The following SNX32 variants were observed in gnomAD, a reference collection of about 807,000 sequenced individuals.
SNX32 encodes sorting nexin 32.
SNX32 carries 58 observed loss-of-function variants against 57.0 expected under a neutral mutation model. The ratio of observed to expected loss-of-function variants is 1.02; its 90% confidence interval spans 0.82 to 1.27. The LOEUF (loss-of-function observed/expected upper bound fraction) is 1.27, where lower values mean the gene tolerates loss of function less well. Among genes scored for constraint, SNX32 ranks in the 50% most tolerant of loss-of-function variants. SNX32 has a pLI of 0.00. For synonymous variants in SNX32, 262 were observed against 220.4 expected (o/e 1.19, Z -1.67); for missense variants, 589 against 541.2 (o/e 1.09, Z -0.88).
At chr11:65,842,125 C>T (rs1858857850) in intron 1 of SNX32, among the ~76,000 whole-genome samples, 1 of 152,124 alleles carries the variant, frequency 6.6e-6, no homozygotes, top group Admixed American at 6.6e-5. Context: ...CAAGTCGCAC[C>T]TGTCAAGTTA....
At chr11:65,849,069 G>A (rs1859082189) in intron 1 of SNX32, among the ~76,000 whole-genome samples, 1 of 152,154 alleles carries the variant, frequency 6.6e-6, no homozygotes, top group South Asian at 2.1e-4. Flanking sequence ...GCTTGAACCC[G>A]GGAGGTGGAG....
At chr11:65,834,179 G>A in intron 1 of SNX32, 78 bp downstream of exon 1, 1 of 436,374 alleles carries the variant, frequency 2.3e-6, no homozygotes, top group African/African-American at 2.0e-5. Context: ...ATGCGGTGGT[G>A]TGTGTGTGTC....
intron 1 of SNX32, among the ~76,000 whole-genome samples, chr11:65,836,116 A>G (rs1290398200): frequency 6.6e-6 from 1 of 152,168 alleles, no homozygotes; most frequent in Non-Finnish European, 1.5e-5. Flanking sequence ...CCTTTGCAGG[A>G]GCCATACTCT....
At chr11:65,852,264 G>C (rs943534023) in intron 9 of SNX32, among the ~76,000 whole-genome samples, 14 of 151,986 alleles carry the variant, frequency 9.2e-5, no homozygotes, top group Non-Finnish European at 2.1e-4. Flanking sequence ...CCTCTGTCCA[G>C]CTCTTACTCA....
intron 1 of SNX32, among the ~76,000 whole-genome samples, chr11:65,841,844 C>G (rs1273711408): frequency 6.6e-6 from 1 of 151,938 alleles, no homozygotes; most frequent in African/African-American, 2.4e-5. Flanking sequence ...ACACAGAAAA[C>G]TACAAAACAT....
intron 1 of SNX32, among the ~76,000 whole-genome samples, chr11:65,835,271 C>A (rs1045724104): frequency 6.9e-6 from 1 of 145,034 alleles, no homozygotes; most frequent in Non-Finnish European, 1.5e-5. Flanking sequence ...GAAAGGGACC[C>A]GTCACTGTCA....
rs200119408 is a variant in SNX32 at position 65,844,446 on chromosome 11, AAAAAT to A, written c.37-5029_37-5025del. 1.7e-4 allele frequency among the ~76,000 whole-genome samples: 26 copies of A among 152,234 alleles called. No homozygotes were observed. In the East Asian group the frequency reaches 5.0e-3, roughly 29 times the overall value. On this transcript the variant is annotated intron_variant, in intron 1 of 12. Coordinates refer to ENST00000308342, the MANE Select transcript of SNX32 (RefSeq NM_152760.3). ...CAGGACCCCTTTTCTTTAAAAAAAA[AAAAAT>A]AATAAATAGAGAGAGAGAGAGATAA... is the stretch of plus-strand genomic sequence containing the variant.
intron 1 of SNX32, among the ~76,000 whole-genome samples, chr11:65,839,754 C>G (rs911129271): frequency 6.7e-6 from 1 of 149,092 alleles, no homozygotes; most frequent in Non-Finnish European, 1.5e-5. Context: ...AAAAAATTAT[C>G]AAGCTGAATA....
chr11:65,850,162 C>G lies in SNX32; in HGVS notation c.265C>G (p.Pro89Ala), dbSNP rs1446379347. The part of the protein sequence containing the change: ...EYAGLIIPPA[P>A]PRPDFEASRE... ...CTCCTTTGAGCAGATCCCCCCAGCCCCTCCGAGGCCAGACTTTGAGGCTTC... is the reference window on the plus strand; with the variant it reads ...CTCCTTTGAGCAGATCCCCCCAGCCGCTCCGAGGCCAGACTTTGAGGCTTC... Residue 89 changes from proline (P) to alanine (A), a missense_variant, in exon 4 of 13, where the codon CCT becomes GCT. Transcript: ENST00000308342. 7 of 1,614,142 alleles carry G rather than the reference C, an allele frequency of 4.3e-6. No homozygotes were observed. The highest frequency in any genetic ancestry group is 1.7e-5 in the Admixed American group (1 of 60,012).
intron 1 of SNX32, among the ~76,000 whole-genome samples, chr11:65,846,712 G>A (rs531593800): frequency 2.2e-4 from 33 of 152,144 alleles, no homozygotes; most frequent in African/African-American, 8.0e-4. Context: ...TGCCAGGCAC[G>A]GTGGCTCACG....
rs1591019446 is a variant in SNX32, at chr11:65,834,085, T to C, written c.20T>C (p.Val7Ala). ...AGAGCGATGGAGACGTATGCGGAGG[T>C]TGGGAAGGAGGGCAAGGTAGAGAAA... METYAE[V>A]GKEGKPSCAS... Residue 7 changes from valine (V) to alanine (A), a missense_variant, in exon 1 of 13, where the codon GTT becomes GCT. By Grantham distance (64) the Val-to-Ala change is moderately conservative (BLOSUM62 0). Coordinates refer to ENST00000308342, the MANE Select transcript of SNX32 (RefSeq NM_152760.3). The C allele has an allele frequency of 1.3e-6, 2 of 1,550,596 alleles. No homozygotes were observed. Among genetic ancestry groups the C allele is most frequent in the Non-Finnish European group, 1.7e-6 (2 of 1,146,558 alleles).
intron 1 of SNX32, among the ~76,000 whole-genome samples, chr11:65,839,222 TG>T (rs1345503008): frequency 0.011 from 238 of 21,600 alleles, 7 homozygotes; most frequent in Non-Finnish European, 0.021. Context: ...CTAATTTTTT[TG>T]TATTTTTTTT....
rs1296524438 is a variant in SNX32, at chr11:65,841,520, G to A, written c.36+7419G>A. On this transcript the variant is annotated intron_variant, in intron 1 of 12. Coordinates refer to ENST00000308342, the MANE Select transcript of SNX32 (RefSeq NM_152760.3). ...TCCAAAGTGCTGGGTTCACAGGCAT[G>A]AGCCACTATGCCCAGTCTATTGTGT... 3.9e-5 allele frequency among the ~76,000 whole-genome samples: 6 copies of A among 152,252 alleles called. 1 individual carries two copies. The South Asian group carries it at 8.3e-4, about 21-fold the overall frequency.
At chr11:65,852,398 G>C (rs1027900126) in intron 9 of SNX32, 67 bp from the exon 10 acceptor site, 4 of 1,364,948 alleles carry the variant, frequency 2.9e-6, no homozygotes, top group Non-Finnish European at 3.1e-6. Flanking sequence ...TAGATGAAGA[G>C]GTGCCTCCCA....
chr11:65,835,013 G>A (rs1373532306), intron 1 of SNX32, among the ~76,000 whole-genome samples: 1 of 150,470 alleles, frequency 6.6e-6, no homozygotes, highest in East Asian at 2.0e-4. Flanking sequence ...GTTTCTCTGT[G>A]CCTGTGTGTT....
intron 1 of SNX32, among the ~76,000 whole-genome samples, chr11:65,844,826 C>T (rs1410181651): frequency 2.0e-5 from 3 of 151,920 alleles, no homozygotes; most frequent in African/African-American, 7.3e-5. Flanking sequence ...ATTAGCCAGG[C>T]GTGGTGGCGG....
At position 65,839,064 on chromosome 11, in the gene SNX32, T is replaced by A. The variant is rs182260325; in HGVS notation, c.36+4963T>A. On this transcript the variant is annotated intron_variant, in intron 1 of 12. Transcript: ENST00000308342. ...AGTAATTATTATTATTATTATTATTTTTGAGAGGGAGTCTCACTTCATTGC... is the reference window on the plus strand; with the variant it reads ...AGTAATTATTATTATTATTATTATTATTGAGAGGGAGTCTCACTTCATTGC... 1.3e-3 allele frequency among the ~76,000 whole-genome samples: 202 copies of A among 150,866 alleles called. 3 individuals are homozygous for A. The East Asian group carries it at 0.026, about 20-fold the overall frequency.
At chr11:65,849,812 T>C (rs1478309079) in intron 2 of SNX32, 108 bp from the exon 3 acceptor site, 1 of 896,428 alleles carries the variant, frequency 1.1e-6, no homozygotes, top group Non-Finnish European at 1.7e-6. Context: ...GCTCTAACTT[T>C]GTCCTCCCTG....
At chr11:65,839,378 CG>C (rs1434623407) in intron 1 of SNX32, among the ~76,000 whole-genome samples, 1 of 146,676 alleles carries the variant, frequency 6.8e-6, no homozygotes, top group Non-Finnish European at 1.5e-5. Flanking sequence ...TACAGGCGCC[CG>C]CCACTACGCC....
Sources: gnomAD v4.1 joint callset for allele counts (sites outside exome capture counted in the v4.1 genomes callset) on GRCh38, gnomAD v4.1.1 for gene constraint, MANE v1.5 for transcripts, NCBI Gene and HGNC (gene_info 2026-07-23, HGNC 2026-07-21) for gene names.